CACNB4: variants seen among roughly 807,000 people sequenced by gnomAD.
The protein encoded by CACNB4 is calcium voltage-gated channel auxiliary subunit beta 4, also known as voltage-dependent L-type calcium channel subunit beta-4.
CACNB4 carries 32 observed loss-of-function variants against 71.2 expected under a neutral mutation model. The observed-to-expected ratio is 0.45, with a 90% CI of 0.34 to 0.60. The LOEUF is 0.60. Among genes scored for constraint, CACNB4 ranks in the 20% least tolerant of loss-of-function variants. CACNB4 has a pLI of 0.01. For synonymous variants in CACNB4, 231 were observed against 236.9 expected (o/e 0.97, Z 0.23); for missense variants, 464 against 647.9 (o/e 0.72, Z 3.08).
intron 2 of CACNB4, among the ~76,000 whole-genome samples, chr2:151,943,957 G>A (rs2099864907): frequency 6.6e-6 from 1 of 151,420 alleles, no homozygotes; most frequent in African/African-American, 2.4e-5. Context: ...CATTGGAGGT[G>A]TTAAAAATTG....
intron 4 of CACNB4, among the ~76,000 whole-genome samples, chr2:151,879,256 G>T (rs557424701): frequency 6.6e-6 from 1 of 152,184 alleles, no homozygotes; most frequent in Non-Finnish European, 1.5e-5. Flanking sequence ...TGCTGAAATG[G>T]TTAATTCAAC....
chr2:151,974,359 AT>A (rs1264192771), intron 2 of CACNB4, among the ~76,000 whole-genome samples: 2 of 152,242 alleles, frequency 1.3e-5, no homozygotes, highest in African/African-American at 2.4e-5. Context: ...CATAAAAAAA[AT>A]CTTTACACCC....
intron 2 of CACNB4, among the ~76,000 whole-genome samples, chr2:151,925,712 G>T (rs180868982): frequency 7.1e-6 from 1 of 141,368 alleles, no homozygotes; most frequent in African/African-American, 2.5e-5. Flanking sequence ...GGGAGGGTGG[G>T]GAGGCTAGGG....
intron 2 of CACNB4, among the ~76,000 whole-genome samples, chr2:152,012,512 G>A (rs948398024): frequency 4.6e-5 from 7 of 151,736 alleles, no homozygotes; most frequent in Non-Finnish European, 1.0e-4. Context: ...GCTGAGGCTG[G>A]AGAATTGCTT....
chr2:152,043,799 A>G (rs76050192), intron 2 of CACNB4, among the ~76,000 whole-genome samples: 2,665 of 152,338 alleles, frequency 0.017, 76 homozygotes, highest in African/African-American at 0.059. Context: ...CTTTTCAAGT[A>G]TTAAATTGCT....
chr2:152,002,926 A>C (rs1682506793), intron 2 of CACNB4, among the ~76,000 whole-genome samples: 1 of 152,240 alleles, frequency 6.6e-6, no homozygotes, highest in Non-Finnish European at 1.5e-5. Flanking sequence ...GAAAGTCTCC[A>C]TTTGAATTAA....
chr2:152,001,526 TAAA>T (rs70974816), intron 2 of CACNB4, among the ~76,000 whole-genome samples: 1,427 of 35,364 alleles, frequency 0.04, 24 homozygotes, highest in African/African-American at 0.13. Context: ...CCATCTCTAC[TAAA>T]AAAAAAAAAA....
At chr2:151,961,799 G>A (rs1203950960) in intron 2 of CACNB4, among the ~76,000 whole-genome samples, 1 of 152,166 alleles carries the variant, frequency 6.6e-6, no homozygotes, top group Non-Finnish European at 1.5e-5. Context: ...AATGAGGTGG[G>A]AGGATCACTT....
At chr2:152,063,462 C>T (rs1042696224) in intron 2 of CACNB4, among the ~76,000 whole-genome samples, 2 of 152,148 alleles carry the variant, frequency 1.3e-5, no homozygotes, top group Non-Finnish European at 2.9e-5. Context: ...GAACCTGAAC[C>T]CAGGCAATCT....
At chr2:152,033,829 T>C (rs571199893) in intron 2 of CACNB4, among the ~76,000 whole-genome samples, 46 of 152,354 alleles carry the variant, frequency 3.0e-4, no homozygotes, top group Middle Eastern at 3.4e-3. Context: ...TGAGGACTTC[T>C]CTAATTCTCG....
chr2:152,038,084 C>A (rs1441317647), intron 2 of CACNB4, among the ~76,000 whole-genome samples: 2 of 152,240 alleles, frequency 1.3e-5, no homozygotes, highest in African/African-American at 4.8e-5. Context: ...ATGTCAGGAA[C>A]CTACTGGGAT....
intron 2 of CACNB4, among the ~76,000 whole-genome samples, chr2:151,932,114 C>T (rs191213411): frequency 6.6e-6 from 1 of 152,050 alleles, no homozygotes; most frequent in South Asian, 2.1e-4. Context: ...GGAGAGACAG[C>T]TAACTTTTGC....
intron 2 of CACNB4, among the ~76,000 whole-genome samples, chr2:152,097,323 C>T (rs1407620501): frequency 6.6e-6 from 1 of 152,062 alleles, no homozygotes. Context: ...GGTTAGAAAA[C>T]ACATTACACA....
intron 9 of CACNB4, among the ~76,000 whole-genome samples, chr2:151,864,077 T>C (rs2099842462): frequency 1.3e-5 from 2 of 152,214 alleles, no homozygotes; most frequent in Admixed American, 1.3e-4. Context: ...CTTAAAGTGG[T>C]ATCCTTTCTA....
chr2:152,092,199 C>A (rs1331328571), intron 2 of CACNB4, among the ~76,000 whole-genome samples: 29 of 152,218 alleles, frequency 1.9e-4, no homozygotes, highest in Non-Finnish European at 1.3e-4. Flanking sequence ...TTTCTTTCTG[C>A]AATCTCTTCC....
At chr2:152,077,606 T>C (rs1047514171) in intron 2 of CACNB4, among the ~76,000 whole-genome samples, 3 of 151,962 alleles carry the variant, frequency 2.0e-5, no homozygotes, top group African/African-American at 4.8e-5. Flanking sequence ...GGTGCACACC[T>C]GTAGTCCCAG....
intron 12 of CACNB4, among the ~76,000 whole-genome samples, chr2:151,849,178 AT>A (rs1432586696): frequency 1.3e-5 from 2 of 152,156 alleles, no homozygotes; most frequent in African/African-American, 4.8e-5. Flanking sequence ...TCTATGACAG[AT>A]TTTAAATGGT....
intron 2 of CACNB4, among the ~76,000 whole-genome samples, chr2:151,978,018 T>C (rs1295783378): frequency 6.6e-6 from 1 of 152,242 alleles, no homozygotes; most frequent in Non-Finnish European, 1.5e-5. Flanking sequence ...TCTAGAAATC[T>C]GTGTGGCATT....
chr2:152,018,976 G>A (rs1004328018), intron 2 of CACNB4, among the ~76,000 whole-genome samples: 2 of 152,048 alleles, frequency 1.3e-5, no homozygotes, highest in Non-Finnish European at 2.9e-5. Flanking sequence ...ATGGGGGTGG[G>A]TGAAGTCAAG....
Sources: gnomAD v4.1 joint callset for allele counts (sites outside exome capture counted in the v4.1 genomes callset) on GRCh38, gnomAD v4.1.1 for gene constraint, MANE v1.5 for transcripts, NCBI Gene and HGNC (gene_info 2026-07-23, HGNC 2026-07-21) for gene names.